The following DMRT1 variants were observed in gnomAD, a reference collection of about 807,000 sequenced individuals.
DMRT1 encodes the protein doublesex and mab-3 related transcription factor 1, also known as doublesex- and mab-3-related transcription factor 1.
In DMRT1, 7 loss-of-function variants were observed where a neutral mutation model predicts 32.3. That is an observed-to-expected ratio of 0.22 (90% CI 0.12 to 0.41). DMRT1 has a LOEUF of 0.41. DMRT1 is among the 10% of genes least tolerant of loss of function. DMRT1 has a pLI of 1.00. For synonymous variants in DMRT1, 278 were observed against 206.1 expected, an observed-to-expected ratio of 1.35 and a Z score of -2.99; for missense variants, 625 against 500.5, an observed-to-expected ratio of 1.25 and a Z score of -2.37.
At chr9:882,801 T>A (rs1816784254) in intron 2 of DMRT1, among the ~76,000 whole-genome samples, 3 of 132,738 alleles carry the variant, frequency 2.3e-5, no homozygotes, top group African/African-American at 8.8e-5. Context: ...ACAGTCTCAC[T>A]CACTCTGTTG....
At chr9:866,229 C>T (rs1182682594) in intron 2 of DMRT1, among the ~76,000 whole-genome samples, 3 of 148,382 alleles carry the variant, frequency 2.0e-5, no homozygotes, top group African/African-American at 7.4e-5. Flanking sequence ...ACTCAGGACT[C>T]TGAGACTGGG....
At chr9:956,404 G>A (rs1819600817) in intron 4 of DMRT1, among the ~76,000 whole-genome samples, 1 of 152,012 alleles carries the variant, frequency 6.6e-6, no homozygotes, top group Non-Finnish European at 1.5e-5. Flanking sequence ...CGCTACACTT[G>A]AAAATGGTTA....
chr9:910,452 T>C (rs1335049558), intron 3 of DMRT1, among the ~76,000 whole-genome samples: 7 of 152,170 alleles, frequency 4.6e-5, no homozygotes, highest in Non-Finnish European at 8.8e-5. Context: ...GATAGACTGT[T>C]CACTTTGATG....
At chr9:887,380 G>GT (rs1389987204) in intron 2 of DMRT1, among the ~76,000 whole-genome samples, 1 of 152,140 alleles carries the variant, frequency 6.6e-6, no homozygotes, top group African/African-American at 2.4e-5. Flanking sequence ...TCTTAGGTCT[G>GT]TTTTTTGTGC....
intron 3 of DMRT1, among the ~76,000 whole-genome samples, chr9:911,532 G>T (rs560696985): frequency 1.4e-3 from 162 of 116,372 alleles, no homozygotes; most frequent in African/African-American, 5.0e-3. Flanking sequence ...GCACTCTGTC[G>T]CCCAGGCTGG....
At chr9:947,317 C>T (rs536895205) in intron 4 of DMRT1, among the ~76,000 whole-genome samples, 3 of 152,232 alleles carry the variant, frequency 2.0e-5, no homozygotes, top group African/African-American at 7.2e-5. Context: ...TACATGTGGT[C>T]CAAGACAATT....
chr9:907,342 A>G (rs1009604762), intron 3 of DMRT1, among the ~76,000 whole-genome samples: 6 of 152,080 alleles, frequency 3.9e-5, no homozygotes, highest in Admixed American at 6.6e-5. Flanking sequence ...CCGGGTCTGT[A>G]TTTTAGATTT....
At chr9:890,284 G>A (rs950466713) in intron 2 of DMRT1, among the ~76,000 whole-genome samples, 1 of 152,114 alleles carries the variant, frequency 6.6e-6, no homozygotes, top group Admixed American at 6.5e-5. Context: ...GCCCAGTGGG[G>A]AAGTTGAGGA....
At chr9:942,380 C>T (rs1335048118) in intron 4 of DMRT1, among the ~76,000 whole-genome samples, 1 of 152,116 alleles carries the variant, frequency 6.6e-6, no homozygotes, top group Non-Finnish European at 1.5e-5. Flanking sequence ...TTTAGTTCAT[C>T]CTCCTGCCTC....
intron 2 of DMRT1, among the ~76,000 whole-genome samples, chr9:861,859 A>G (rs1353069821): frequency 6.6e-6 from 1 of 150,560 alleles, no homozygotes; most frequent in African/African-American, 2.5e-5. Flanking sequence ...CTCACCTCCC[A>G]GACGGGGTCG....
intron 4 of DMRT1, among the ~76,000 whole-genome samples, chr9:930,496 C>G (rs894967785): frequency 6.6e-6 from 1 of 151,980 alleles, no homozygotes. Context: ...ACTGCAAGCT[C>G]CGCCTCTCGG....
intron 4 of DMRT1, 147 bp from the exon 5 acceptor site, chr9:967,838 A>G (rs948771964): frequency 1.0e-5 from 8 of 799,262 alleles, no homozygotes; most frequent in African/African-American, 1.7e-5. Context: ...ATGAGTGTCT[A>G]TAAAAACACT....
At chr9:853,507 T>G (rs1815251218) in intron 2 of DMRT1, among the ~76,000 whole-genome samples, 1 of 151,780 alleles carries the variant, frequency 6.6e-6, no homozygotes, top group African/African-American at 2.4e-5. Flanking sequence ...AGTCTTGATC[T>G]TGTCTCCCAG....
At chr9:861,120 C>T (rs1815644234) in intron 2 of DMRT1, among the ~76,000 whole-genome samples, 1 of 141,384 alleles carries the variant, frequency 7.1e-6, no homozygotes, top group Non-Finnish European at 1.5e-5. Context: ...GGGGATTTGG[C>T]AGGGTCATAG....
chr9:862,222 G>C (rs1815740866), intron 2 of DMRT1, among the ~76,000 whole-genome samples: 1 of 151,994 alleles, frequency 6.6e-6, no homozygotes, highest in South Asian at 2.1e-4. Context: ...ACTGAGCACT[G>C]AGTGAGCGAG....
intron 4 of DMRT1, among the ~76,000 whole-genome samples, chr9:930,087 C>T (rs1304802699): frequency 1.3e-5 from 2 of 152,164 alleles, no homozygotes; most frequent in African/African-American, 4.8e-5. Context: ...GTGTTTTCTT[C>T]TCAAATTAGA....
intron 2 of DMRT1, among the ~76,000 whole-genome samples, chr9:861,356 A>T (rs143301530): frequency 0.011 from 1,614 of 152,248 alleles, 27 homozygotes; most frequent in African/African-American, 0.037. Flanking sequence ...TGGACACAGC[A>T]CATGTTTCAG....
chr9:909,771 A>G (rs75632571), intron 3 of DMRT1, among the ~76,000 whole-genome samples: 6,313 of 152,200 alleles, frequency 0.041, 335 homozygotes, highest in East Asian at 0.17. Context: ...TGGAGTCAGC[A>G]GGGCAAACAT....
At chr9:886,168 G>A (rs73374726) in intron 2 of DMRT1, among the ~76,000 whole-genome samples, 4,009 of 152,314 alleles carry the variant, frequency 0.026, 64 homozygotes, top group African/African-American at 0.034. Flanking sequence ...CATGGAGACT[G>A]GCAGGAGTAA....
Sources: allele counts gnomAD v4.1 joint callset (sites outside exome capture counted in the v4.1 genomes callset), GRCh38; gene constraint gnomAD v4.1.1; transcripts MANE v1.5; gene names NCBI Gene and HGNC (gene_info 2026-07-23, HGNC 2026-07-21).